The following XIRP2 variants were observed in gnomAD, a reference collection of about 807,000 sequenced individuals.
The protein encoded by XIRP2 is xin actin-binding repeat-containing protein 2.
A neutral mutation model predicts 277.0 loss-of-function variants in XIRP2; 236 were observed. The ratio of observed to expected loss-of-function variants is 0.85; its 90% CI spans 0.77 to 0.95. XIRP2 has a LOEUF of 0.95. XIRP2 is among the 40% of genes least tolerant of loss of function. The pLI is 0.00. For missense variants in XIRP2, 4,640 were observed against 4,157.5 expected, an observed-to-expected ratio of 1.12 and a Z score of -3.19; for synonymous variants, 1,490 against 1,416.5, an observed-to-expected ratio of 1.05 and a Z score of -1.17.
At chr2:166,968,508 G>T (rs1027093161) in intron 2 of XIRP2, among the ~76,000 whole-genome samples, 3 of 151,990 alleles carry the variant, frequency 2.0e-5, no homozygotes, top group African/African-American at 7.2e-5. Flanking sequence ...CCATGTGACA[G>T]ATTTCTCAAC....
chr2:167,214,127 AAGG>A, intron 4 of XIRP2, among the ~76,000 whole-genome samples: 1 of 126,706 alleles, frequency 7.9e-6, no homozygotes. Flanking sequence ...GGAAGGAAGG[AAGG>A]AAGGAAGCAA....
chr2:166,985,276 A>C (rs1686972344), intron 2 of XIRP2, among the ~76,000 whole-genome samples: 1 of 152,224 alleles, frequency 6.6e-6, no homozygotes, highest in Non-Finnish European at 1.5e-5. Flanking sequence ...GAGATAAGAA[A>C]ATAAAAAGTA....
chr2:167,074,728 C>T (rs1574227510), intron 2 of XIRP2, among the ~76,000 whole-genome samples: 1 of 151,984 alleles, frequency 6.6e-6, no homozygotes, highest in African/African-American at 2.4e-5. Flanking sequence ...CAACTTCCAC[C>T]TCCCAGGCTC....
chr2:167,211,371 A>C (rs967224839), intron 4 of XIRP2, among the ~76,000 whole-genome samples: 1 of 152,180 alleles, frequency 6.6e-6, no homozygotes, highest in Non-Finnish European at 1.5e-5. Context: ...CTGGGATTAC[A>C]GGCATGAGCC....
intron 2 of XIRP2, among the ~76,000 whole-genome samples, chr2:166,910,254 G>T (rs6757740): frequency 0.3 from 45,617 of 151,902 alleles, 7,431 homozygotes; most frequent in East Asian, 0.55. Context: ...GACTTTTTTT[G>T]GTTGGTAGGC....
chr2:167,247,285 C>G lies in XIRP2; in HGVS notation c.5893C>G (p.His1965Asp). ...GSSGEQKTDI[H>D]QVAVQRNKNS... The stretch of plus-strand genomic sequence containing the variant: ...CTCGGGAGAGCAGAAAACAGATATT[C>G]ATCAGGTTGCTGTCCAGAGGAACAA... The change falls in exon 9 of 11, where the codon CAT becomes GAT. Residue 1965 changes from histidine (H) to aspartate (D), a missense_variant. Physicochemically the swap from His to Asp is moderately conservative, Grantham distance 81 (BLOSUM62 -1). Transcript: ENST00000409195. 1 of 1,613,668 alleles carries G rather than the reference C, an allele frequency of 6.2e-7. No individual in the cohort carries two copies. Among genetic ancestry groups the G allele is most frequent in the Non-Finnish European group, 8.5e-7 (1 of 1,179,838 alleles).
At chr2:167,029,433 G>A (rs772735802) in intron 2 of XIRP2, among the ~76,000 whole-genome samples, 10 of 151,876 alleles carry the variant, frequency 6.6e-5, no homozygotes, top group Non-Finnish European at 1.2e-4. Context: ...AAATTTTATC[G>A]AACGCCTTTT....
At chr2:167,170,178 C>G (rs1559005853) in intron 3 of XIRP2, among the ~76,000 whole-genome samples, 1 of 151,974 alleles carries the variant, frequency 6.6e-6, no homozygotes, top group Admixed American at 6.6e-5. Context: ...TTTAAATGAT[C>G]TCTTTATTAT....
chr2:167,241,002 C>A (rs759234722), intron 7 of XIRP2, among the ~76,000 whole-genome samples: 3 of 152,168 alleles, frequency 2.0e-5, no homozygotes, highest in Non-Finnish European at 4.4e-5. Flanking sequence ...CCTCTGAATT[C>A]CTTTTTGCCT....
chr2:166,952,171 C>T (rs1016400810), intron 2 of XIRP2, among the ~76,000 whole-genome samples: 1 of 151,930 alleles, frequency 6.6e-6, no homozygotes, highest in African/African-American at 2.4e-5. Context: ...AATGATTTGT[C>T]ACTTTTCATG....
intron 2 of XIRP2, among the ~76,000 whole-genome samples, chr2:166,942,215 G>C (rs1410827579): frequency 6.6e-6 from 1 of 152,096 alleles, no homozygotes; most frequent in African/African-American, 2.4e-5. Flanking sequence ...ACATCCCTCT[G>C]TTCTACATGT....
At position 166,968,498 on chromosome 2, in the gene XIRP2, C is replaced by G. The variant is rs1574123343; in HGVS notation, c.408+64608C>G. Among the ~76,000 whole-genome samples the G allele has an allele frequency of 2.0e-5, 3 of 152,096 alleles. No individual in the cohort carries two copies. The South Asian group carries it at 6.2e-4, about 31-fold the overall frequency. Reference sequence around the variant, plus strand: ...AGAATTCGACATTCCCTGATGCTCTCCATGTGACAGATTTCTCAACCACTT... The same window carrying G: ...AGAATTCGACATTCCCTGATGCTCTGCATGTGACAGATTTCTCAACCACTT... On this transcript the variant is annotated intron_variant, in intron 2 of 10. Transcript: ENST00000409195.
chr2:167,009,333 C>T (rs1033209438), intron 2 of XIRP2, among the ~76,000 whole-genome samples: 3 of 150,170 alleles, frequency 2.0e-5, no homozygotes, highest in South Asian at 2.1e-4. Flanking sequence ...TTGTTCTTGG[C>T]GATATTTTGC....
intron 5 of XIRP2, among the ~76,000 whole-genome samples, chr2:167,237,873 GA>G (rs1326172437): frequency 2.0e-5 from 3 of 152,186 alleles, no homozygotes; most frequent in Non-Finnish European, 4.4e-5. Flanking sequence ...ACTTGTCACA[GA>G]GGTAAAGAGC....
intron 2 of XIRP2, among the ~76,000 whole-genome samples, chr2:166,984,486 T>C (rs1686951564): frequency 6.6e-6 from 1 of 152,082 alleles, no homozygotes; most frequent in Non-Finnish European, 1.5e-5. Context: ...AAAATAAGTC[T>C]TTTAAAGATT....
chr2:167,084,764 AT>A (rs1689872370), intron 2 of XIRP2, among the ~76,000 whole-genome samples: 1 of 149,854 alleles, frequency 6.7e-6, no homozygotes, highest in Non-Finnish European at 1.5e-5. Context: ...GGTAGTTTGT[AT>A]TTCTGTGGGA....
chr2:166,904,929 G>T (rs1056016973), intron 2 of XIRP2, among the ~76,000 whole-genome samples: 8 of 151,906 alleles, frequency 5.3e-5, no homozygotes, highest in Admixed American at 4.6e-4. Flanking sequence ...ACTAATTCTT[G>T]CTTCCAGTTG....
intron 2 of XIRP2, among the ~76,000 whole-genome samples, chr2:166,997,036 G>C (rs1687240371): frequency 1.3e-5 from 2 of 152,120 alleles, no homozygotes; most frequent in Admixed American, 6.5e-5. Context: ...AAATGAATAA[G>C]TTTTCTTTGT....
chr2:167,063,730 A>C (rs1392954195), intron 2 of XIRP2, among the ~76,000 whole-genome samples: 1 of 151,730 alleles, frequency 6.6e-6, no homozygotes, highest in African/African-American at 2.4e-5. Context: ...GTCTCATATT[A>C]ATATAGGTAT....
Sources: allele counts gnomAD v4.1 joint callset (sites outside exome capture counted in the v4.1 genomes callset), GRCh38; gene constraint gnomAD v4.1.1; transcripts MANE v1.5; gene names NCBI Gene and HGNC (gene_info 2026-07-23, HGNC 2026-07-21).